Variants in ST6GAL1 observed in about 807,000 individuals in gnomAD.
ST6GAL1 encodes ST6 beta-galactoside alpha-2,6-sialyltransferase 1.
A neutral mutation model predicts 38.0 loss-of-function variants in ST6GAL1; 20 were observed. The observed-to-expected ratio is 0.53, with a 90% CI of 0.37 to 0.77. The LOEUF (loss-of-function observed/expected upper bound fraction) is 0.77, where lower values mean the gene tolerates loss of function less well. ST6GAL1 is among the 30% of genes least tolerant of loss of function. The pLI, the probability that ST6GAL1 is intolerant of heterozygous loss-of-function variation, is 0.00. For synonymous variants in ST6GAL1, 196 were observed against 188.2 expected (o/e 1.04, Z -0.34); for missense variants, 432 against 496.4 (o/e 0.87, Z 1.23).
At chr3:187,049,295 A>T (rs893185360) in intron 4 of ST6GAL1, among the ~76,000 whole-genome samples, 1 of 152,198 alleles carries the variant, frequency 6.6e-6, no homozygotes, top group Non-Finnish European at 1.5e-5. Context: ...GAAGAAGACT[A>T]AGGTCAGGGC....
chr3:187,027,492 G>A (rs1717584411), intron 2 of ST6GAL1, among the ~76,000 whole-genome samples: 1 of 152,168 alleles, frequency 6.6e-6, no homozygotes, highest in South Asian at 2.1e-4. Context: ...TAATTTGGGT[G>A]TGCTCTAAGT....
intron 1 of ST6GAL1, among the ~76,000 whole-genome samples, chr3:186,935,617 C>A (rs1156537776): frequency 6.6e-6 from 1 of 152,210 alleles, no homozygotes; most frequent in African/African-American, 2.4e-5. Flanking sequence ...ACACTCCCAC[C>A]AACAGTGTAT....
At chr3:186,935,097 G>T (rs1467260108) in intron 1 of ST6GAL1, among the ~76,000 whole-genome samples, 1 of 152,036 alleles carries the variant, frequency 6.6e-6, no homozygotes, top group East Asian at 1.9e-4. Flanking sequence ...AGAGTATTTA[G>T]TCACTCAGGT....
At chr3:186,943,943 G>T (rs1178652158) in intron 1 of ST6GAL1, among the ~76,000 whole-genome samples, 1 of 152,208 alleles carries the variant, frequency 6.6e-6, no homozygotes, top group East Asian at 1.9e-4. Context: ...TAAGACGATT[G>T]TTCCCTCTCT....
intron 4 of ST6GAL1, among the ~76,000 whole-genome samples, chr3:187,049,925 T>C (rs543091821): frequency 1.6e-4 from 25 of 152,352 alleles, no homozygotes; most frequent in African/African-American, 5.5e-4. Context: ...CTATGTGCAC[T>C]TCAGTGTACC....
At position 186,944,268 on chromosome 3, in the gene ST6GAL1, A is replaced by T. The variant is rs79236449; in HGVS notation, c.-325+13434A>T. Among the ~76,000 whole-genome samples, 961 of 152,318 alleles carry T rather than the reference A, an allele frequency of 6.3e-3. 7 individuals are homozygous for T. The highest frequency in any genetic ancestry group is 0.022 in the African/African-American group (933 of 41,568). ...TTTGGAGAAACACTTTGGGGACTGG[A>T]ACAGGAACAATCACAGCTGGCTGGA... On this transcript the variant is annotated intron_variant, in intron 1 of 7. Transcript: ENST00000169298.
chr3:186,994,500 A>G (rs1290007136), intron 2 of ST6GAL1, among the ~76,000 whole-genome samples: 1 of 152,180 alleles, frequency 6.6e-6, no homozygotes, highest in Non-Finnish European at 1.5e-5. Context: ...TGTATTTCAT[A>G]GGTGATTCAA....
chr3:186,967,869 T>C (rs1334326231), intron 2 of ST6GAL1, among the ~76,000 whole-genome samples: 1 of 152,208 alleles, frequency 6.6e-6, no homozygotes, highest in South Asian at 2.1e-4. Flanking sequence ...ACCGTGGCAG[T>C]AGAGGCCAGG....
rs571367822 is a variant in ST6GAL1, at chr3:186,983,339, T to G, written c.-183+19413T>G. Reference sequence around the variant, plus strand: ...CATTTTAATTTGATTAGAATATAATTGAGATTTAAGTAAAACTTATTGGGA... The same window carrying G: ...CATTTTAATTTGATTAGAATATAATGGAGATTTAAGTAAAACTTATTGGGA... On this transcript the variant is annotated intron_variant, in intron 2 of 7. Transcript: ENST00000169298. Among the ~76,000 whole-genome samples the G allele has an allele frequency of 7.4e-4, 113 of 152,312 alleles. 1 individual carries two copies. The South Asian group carries it at 0.023, about 30-fold the overall frequency.
chr3:186,947,507 G>T (rs1242714791), intron 1 of ST6GAL1, among the ~76,000 whole-genome samples: 1 of 151,924 alleles, frequency 6.6e-6, no homozygotes, highest in Non-Finnish European at 1.5e-5. Flanking sequence ...AATTGTATAG[G>T]TAAATATTTT....
intron 2 of ST6GAL1, among the ~76,000 whole-genome samples, chr3:186,968,017 C>T (rs528744263): frequency 6.6e-6 from 1 of 152,330 alleles, no homozygotes; most frequent in East Asian, 1.9e-4. Flanking sequence ...TGCCAGAGAT[C>T]TCCTGCAGCC....
At chr3:187,065,923 G>C (rs1719095678) in intron 5 of ST6GAL1, among the ~76,000 whole-genome samples, 2 of 152,320 alleles carry the variant, frequency 1.3e-5, no homozygotes, top group East Asian at 1.9e-4. Flanking sequence ...GGCTCCCAGA[G>C]TTTAAGTTGC....
chr3:187,024,455 T>C (rs1035022241), intron 2 of ST6GAL1, among the ~76,000 whole-genome samples: 9 of 138,568 alleles, frequency 6.5e-5, no homozygotes, highest in African/African-American at 1.9e-4. Context: ...CACACACACA[T>C]ATATACACAT....
At chr3:186,974,437 T>C (rs1715453945) in intron 2 of ST6GAL1, among the ~76,000 whole-genome samples, 1 of 152,184 alleles carries the variant, frequency 6.6e-6, no homozygotes, top group Non-Finnish European at 1.5e-5. Context: ...ATGGTGGTTT[T>C]GATCATCATA....
At chr3:186,976,575 A>G (rs773987341) in intron 2 of ST6GAL1, among the ~76,000 whole-genome samples, 1 of 151,736 alleles carries the variant, frequency 6.6e-6, no homozygotes, top group Non-Finnish European at 1.5e-5. Context: ...AACTACAGGC[A>G]TGTGCCCCCA....
intron 2 of ST6GAL1, among the ~76,000 whole-genome samples, chr3:186,983,006 T>A (rs1471344612): frequency 6.6e-6 from 1 of 152,056 alleles, no homozygotes; most frequent in East Asian, 1.9e-4. Flanking sequence ...TTAATAGTAA[T>A]CTAATTACAT....
At chr3:187,008,007 A>G (rs1716838040) in intron 2 of ST6GAL1, among the ~76,000 whole-genome samples, 1 of 152,184 alleles carries the variant, frequency 6.6e-6, no homozygotes, top group South Asian at 2.1e-4. Flanking sequence ...GAGAAAAATG[A>G]AAAGCCTTTC....
At chr3:187,018,779 G>A (rs1282417326) in intron 2 of ST6GAL1, among the ~76,000 whole-genome samples, 5 of 152,222 alleles carry the variant, frequency 3.3e-5, no homozygotes, top group South Asian at 4.1e-4. Context: ...TTGACACTCC[G>A]TATTAGCCAT....
chr3:187,046,407 A>T (rs1718298275), intron 4 of ST6GAL1, among the ~76,000 whole-genome samples: 1 of 152,232 alleles, frequency 6.6e-6, no homozygotes. Context: ...TTGAGTACTT[A>T]ATTCTAGAGA....
Sources: gnomAD v4.1 joint callset for allele counts (sites outside exome capture counted in the v4.1 genomes callset) on GRCh38, gnomAD v4.1.1 for gene constraint, MANE v1.5 for transcripts, NCBI Gene and HGNC (gene_info 2026-07-23, HGNC 2026-07-21) for gene names.